The following AGMO variants were observed in gnomAD, a reference collection of about 807,000 sequenced individuals.
AGMO encodes the protein alkylglycerol monooxygenase.
In AGMO, 75 loss-of-function variants were observed where a neutral mutation model predicts 60.2. That is an observed-to-expected ratio of 1.25 (90% CI 1.03 to 1.51). AGMO has a LOEUF of 1.51. Ranked by LOEUF, AGMO falls within the 40% of genes most tolerant of loss-of-function variation. The probability of loss-of-function intolerance (pLI) is 0.00; values close to 1 mark genes in which losing one functional copy is unlikely to be tolerated. For synonymous variants in AGMO, 261 were observed against 177.1 expected (o/e 1.47, Z -3.76); for missense variants, 763 against 525.5 (o/e 1.45, Z -4.42).
At chr7:15,441,727 T>A (rs1781562124) in intron 3 of AGMO, among the ~76,000 whole-genome samples, 1 of 152,136 alleles carries the variant, frequency 6.6e-6, no homozygotes, top group Admixed American at 6.5e-5. Context: ...ATGCTTTCTA[T>A]AATTTGTCTC....
intron 3 of AGMO, among the ~76,000 whole-genome samples, chr7:15,494,781 A>G (rs982655121): frequency 6.6e-6 from 1 of 152,234 alleles, no homozygotes; most frequent in African/African-American, 2.4e-5. Context: ...AAATACAGAC[A>G]CAATTTACCA....
intron 12 of AGMO, among the ~76,000 whole-genome samples, chr7:15,287,783 A>C (rs1486200333): frequency 7.8e-6 from 1 of 128,718 alleles, no homozygotes; most frequent in African/African-American, 2.5e-5. Context: ...AACGTAGCTA[A>C]ATTTTTTTTT....
At chr7:15,193,557 T>C in the AGMO span, among the ~76,000 whole-genome samples, 1 of 152,150 alleles carries the variant, frequency 6.6e-6, no homozygotes, top group Non-Finnish European at 1.5e-5. Context: ...GAACTCTTAT[T>C]ATATAATTTG....
chr7:15,244,678 G>A (rs1392554381), intron 12 of AGMO, among the ~76,000 whole-genome samples: 4 of 151,896 alleles, frequency 2.6e-5, no homozygotes, highest in Non-Finnish European at 2.9e-5. Flanking sequence ...AGACAGAGTC[G>A]TCTCGCACTG....
intron 3 of AGMO, among the ~76,000 whole-genome samples, chr7:15,491,567 C>G (rs527675553): frequency 6.6e-6 from 1 of 152,242 alleles, no homozygotes; most frequent in East Asian, 1.9e-4. Flanking sequence ...TAACTCACTT[C>G]ATTATATTAG....
rs192278089 is a variant in AGMO, at chr7:15,524,799, T to C, written c.409+19973A>G. Among the ~76,000 whole-genome samples, 410 of 151,584 alleles carry C rather than the reference T, an allele frequency of 2.7e-3. 3 individuals are homozygous for C. Among genetic ancestry groups the C allele is most frequent in the African/African-American group, 9.4e-3 (389 of 41,302 alleles). On this transcript the variant is annotated intron_variant, in intron 3 of 12. Coordinates refer to ENST00000342526, the MANE Select transcript of AGMO (RefSeq NM_001004320.2). ...ATCACTTGAATGCAGGAGGCCAACGTTGCAGTGAGCTGAGATCACGCCATT... is the reference window on the plus strand; with the variant it reads ...ATCACTTGAATGCAGGAGGCCAACGCTGCAGTGAGCTGAGATCACGCCATT...
intron 2 of AGMO, among the ~76,000 whole-genome samples, chr7:15,553,715 C>G (rs144234793): frequency 1.3e-5 from 2 of 150,780 alleles, no homozygotes; most frequent in African/African-American, 5.0e-5. Context: ...TAAAAAAATA[C>G]ATAAATAAAT....
rs115643743 is a variant in AGMO, at chr7:15,394,612, T to C, written c.610-433A>G. Among the ~76,000 whole-genome samples the C allele has an allele frequency of 4.4e-3, 666 of 152,344 alleles. 4 individuals carry two copies. Among genetic ancestry groups the C allele is most frequent in the Middle Eastern group, 0.031 (9 of 294 alleles). On this transcript the variant is annotated intron_variant, in intron 5 of 12. Coordinates refer to ENST00000342526, the MANE Select transcript of AGMO (RefSeq NM_001004320.2). ...CAAGGCACACTACCCTTAGATTTCATGTTGCATTATAGTTTTTGCCTTCCA... is the reference window on the plus strand; with the variant it reads ...CAAGGCACACTACCCTTAGATTTCACGTTGCATTATAGTTTTTGCCTTCCA...
Position 15,544,881 on chromosome 7 carries a change from G to C in AGMO, c.300C>G (p.Ile100Met), listed in dbSNP as rs1346586487. 8 of 1,596,222 alleles carry C rather than the reference G, an allele frequency of 5.0e-6. No individual in the cohort carries two copies. Among genetic ancestry groups the C allele is most frequent in the Non-Finnish European group, 6.0e-6 (7 of 1,170,380 alleles). Residue 100 changes from isoleucine (I) to methionine (M), a missense_variant, in exon 3 of 13, where the codon ATC becomes ATG. Coordinates refer to ENST00000342526, the MANE Select transcript of AGMO (RefSeq NM_001004320.2). ...RSIELTSYIY[I>M]WENYRLFNLP... Reference sequence around the variant, plus strand: ...AATTGAACAGCCTGTAGTTCTCCCAGATATAAATATAACTGGTCAGTTCAA... The same window carrying C: ...AATTGAACAGCCTGTAGTTCTCCCACATATAAATATAACTGGTCAGTTCAA...
At chr7:15,475,101 A>C (rs760005364) in intron 3 of AGMO, among the ~76,000 whole-genome samples, 1 of 152,206 alleles carries the variant, frequency 6.6e-6, no homozygotes, top group Non-Finnish European at 1.5e-5. Context: ...GTGGGAGTGT[A>C]AATTAGTTCA....
chr7:15,233,847 G>C (rs894900453), intron 12 of AGMO, among the ~76,000 whole-genome samples: 1 of 152,136 alleles, frequency 6.6e-6, no homozygotes, highest in Non-Finnish European at 1.5e-5. Flanking sequence ...GTCAGTTCGA[G>C]ACCAGCCTGA....
At chr7:15,487,296 G>A (rs1221685417) in intron 3 of AGMO, among the ~76,000 whole-genome samples, 3 of 152,068 alleles carry the variant, frequency 2.0e-5, no homozygotes, top group African/African-American at 7.2e-5. Flanking sequence ...TTACAGTCTT[G>A]TCATTAAATG....
chr7:15,247,772 T>C (rs1429266267), intron 12 of AGMO, among the ~76,000 whole-genome samples: 2 of 152,080 alleles, frequency 1.3e-5, no homozygotes, highest in Admixed American at 6.5e-5. Context: ...CATTTTTTCA[T>C]TGAATAAAAA....
intron 3 of AGMO, among the ~76,000 whole-genome samples, chr7:15,451,001 T>C (rs59846203): frequency 0.23 from 35,581 of 152,050 alleles, 4,988 homozygotes; most frequent in African/African-American, 0.38. Context: ...CATTGTTTTA[T>C]ATCTGTGAAT....
At chr7:15,369,490 C>G (rs556560574) in intron 10 of AGMO, among the ~76,000 whole-genome samples, 91 of 152,256 alleles carry the variant, frequency 6.0e-4, no homozygotes, top group African/African-American at 1.9e-3. Flanking sequence ...CCACTCAAGT[C>G]TGTTTCACCT....
chr7:15,225,006 AG>A (rs1311658897), intron 12 of AGMO, among the ~76,000 whole-genome samples: 1 of 152,036 alleles, frequency 6.6e-6, no homozygotes, highest in Non-Finnish European at 1.5e-5. Context: ...CCTAATTCAC[AG>A]GTAGAAGGAA....
chr7:15,365,331 T>C (rs1441733734), intron 12 of AGMO, among the ~76,000 whole-genome samples, 183 bp downstream of exon 12: 1 of 124,610 alleles, frequency 8.0e-6, no homozygotes, highest in Non-Finnish European at 1.6e-5. Context: ...AAACTGTGGC[T>C]CAGCAATATT....
At chr7:15,383,960 G>C (rs1783804857) in intron 10 of AGMO, among the ~76,000 whole-genome samples, 1 of 151,676 alleles carries the variant, frequency 6.6e-6, no homozygotes, top group African/African-American at 2.4e-5. Flanking sequence ...GTTTGAGACT[G>C]AGTCTCGCTC....
intron 4 of AGMO, among the ~76,000 whole-genome samples, chr7:15,422,621 A>G (rs1465099530): frequency 6.6e-6 from 1 of 152,200 alleles, no homozygotes; most frequent in Non-Finnish European, 1.5e-5. Flanking sequence ...GCAGTGGGGA[A>G]GAGATCTTGA....
Sources: allele counts gnomAD v4.1 joint callset (sites outside exome capture counted in the v4.1 genomes callset), GRCh38; gene constraint gnomAD v4.1.1; transcripts MANE v1.5; gene names NCBI Gene and HGNC (gene_info 2026-07-23, HGNC 2026-07-21).